The following TOM1 variants were observed in gnomAD, a reference collection of about 807,000 sequenced individuals.
The protein encoded by TOM1 is target of Myb protein 1.
TOM1 carries 38 observed loss-of-function variants against 61.3 expected under a neutral mutation model. That is an observed-to-expected ratio of 0.62 (90% CI 0.48 to 0.81). TOM1 has a LOEUF of 0.81. Among genes scored for constraint, TOM1 ranks in the 40% least tolerant of loss-of-function variants. The pLI is 0.00. For missense variants in TOM1, 591 were observed against 659.6 expected, an observed-to-expected ratio of 0.90 and a Z score of 1.14; for synonymous variants, 270 against 268.8, an observed-to-expected ratio of 1.00 and a Z score of -0.04.
chr22:35,334,820 A>G (rs181638000), intron 11 of TOM1, among the ~76,000 whole-genome samples: 3 of 151,142 alleles, frequency 2.0e-5, no homozygotes, highest in Non-Finnish European at 4.4e-5. Context: ...TCCAAAACAC[A>G]GTGTCTCCAC....
chr22:35,334,970 A>C (rs895588645), intron 11 of TOM1, among the ~76,000 whole-genome samples: 22 of 152,114 alleles, frequency 1.4e-4, no homozygotes, highest in Non-Finnish European at 1.9e-4. Flanking sequence ...AGAGAAGATT[A>C]AGCAGGTTCT....
chr22:35,309,365 C>T (rs1926618426), intron 1 of TOM1, among the ~76,000 whole-genome samples: 1 of 152,036 alleles, frequency 6.6e-6, no homozygotes, highest in Non-Finnish European at 1.5e-5. Context: ...TGAAAGAGGC[C>T]AGGCGCAGTG....
At chr22:35,345,330 C>T in intron 12 of TOM1, 1 of 249,296 alleles carries the variant, frequency 4.0e-6, no homozygotes, top group Non-Finnish European at 8.1e-6. Flanking sequence ...TGCCTGGGGT[C>T]TGACCCTGGG....
At chr22:35,309,262 C>T (rs1335275193) in intron 1 of TOM1, among the ~76,000 whole-genome samples, 1 of 152,120 alleles carries the variant, frequency 6.6e-6, no homozygotes, top group Non-Finnish European at 1.5e-5. Context: ...CCCAGGCTCA[C>T]ACAGCTGGTA....
intron 1 of TOM1, among the ~76,000 whole-genome samples, chr22:35,312,300 C>G (rs1926910001): frequency 1.3e-5 from 2 of 151,760 alleles, no homozygotes; most frequent in Admixed American, 6.6e-5. Context: ...CATTCCTCCT[C>G]TTCATCAGCA....
chr22:35,340,353 G>A (rs1929773982), intron 12 of TOM1, among the ~76,000 whole-genome samples: 1 of 152,188 alleles, frequency 6.6e-6, no homozygotes, highest in Non-Finnish European at 1.5e-5. Flanking sequence ...GCGCGGCTAG[G>A]AGCGCTGCAG....
Position 35,333,649 on chromosome 22 carries a change from G to A in TOM1, c.1027+152G>A, listed in dbSNP as rs1412576083. ...GTCCCAGGCTGAATCTTGCTGCAAG[G>A]TGGGGCACTCGGGGTCACTGCCCCT... On this transcript the variant is annotated intron_variant, in intron 10 of 14. Coordinates refer to ENST00000449058, the MANE Select transcript of TOM1 (RefSeq NM_005488.3). The A allele has an allele frequency of 3.6e-5, 26 of 714,996 alleles. 1 individual carries two copies. Among genetic ancestry groups the A allele is most frequent in the South Asian group, 2.1e-4 (12 of 56,202 alleles). 44.3% of individuals were successfully genotyped at this position (714,996 alleles called of 1,614,324 possible).
chr22:35,317,749 A>G lies in TOM1; in HGVS notation c.53-128A>G. Reference sequence around the variant, plus strand: ...TCACACAGGGCCAGGCCCTGTGCCCAGGAAGTGTCTGTCATCTTCCTCCTC... The same window carrying G: ...TCACACAGGGCCAGGCCCTGTGCCCGGGAAGTGTCTGTCATCTTCCTCCTC... On this transcript the variant is annotated intron_variant, in intron 1 of 14. Transcript: ENST00000449058. 5.7e-6 allele frequency: 4 copies of G among 702,420 alleles called. No homozygotes were observed. In the Admixed American group the frequency reaches 6.2e-5, roughly 11 times the overall value. 43.5% of individuals were successfully genotyped at this position (702,420 alleles called of 1,614,324 possible). A position where few individuals can be genotyped will look rare whatever the true frequency, so the allele number is the denominator to read the frequency against.
intron 1 of TOM1, among the ~76,000 whole-genome samples, chr22:35,304,611 T>G (rs993902743): frequency 2.0e-5 from 3 of 152,160 alleles, no homozygotes; most frequent in Admixed American, 1.3e-4. Flanking sequence ...CCCAAGTAGC[T>G]GGGACTACAG....
intron 1 of TOM1, among the ~76,000 whole-genome samples, chr22:35,315,624 C>T (rs1328486567): frequency 1.3e-5 from 2 of 152,200 alleles, no homozygotes; most frequent in Non-Finnish European, 1.5e-5. Context: ...GTAAAGCAAC[C>T]GCCCTCTGCC....
At chr22:35,319,192 C>T (rs1927561582) in intron 2 of TOM1, among the ~76,000 whole-genome samples, 1 of 152,162 alleles carries the variant, frequency 6.6e-6, no homozygotes, top group Non-Finnish European at 1.5e-5. Context: ...GCTTCATGGA[C>T]GTCGCAGCTG....
chr22:35,305,383 C>T (rs1418554731), intron 1 of TOM1, among the ~76,000 whole-genome samples: 1 of 152,194 alleles, frequency 6.6e-6, no homozygotes. Context: ...GATGGCGGGC[C>T]AGGCACGGTG....
chr22:35,319,259 G>A (rs1296346263), intron 2 of TOM1, among the ~76,000 whole-genome samples: 1 of 152,180 alleles, frequency 6.6e-6, no homozygotes, highest in African/African-American at 2.4e-5. Context: ...ATAAACATGG[G>A]AGGAACAGGC....
chr22:35,303,149 C>T (rs894368408), intron 1 of TOM1, among the ~76,000 whole-genome samples: 28 of 150,264 alleles, frequency 1.9e-4, no homozygotes, highest in African/African-American at 6.3e-4. Context: ...CACACACACA[C>T]CCCTTTGTGC....
In TOM1 at chr22:35,347,243, C is replaced by A; in HGVS notation, c.*34C>A. 6.4e-7 allele frequency: 1 copy of A among 1,562,050 alleles called. No individual in the cohort carries two copies. The highest frequency in any genetic ancestry group is 1.2e-5 in the South Asian group (1 of 85,052). On this transcript the variant is annotated 3_prime_UTR_variant, in exon 15 of 15. Transcript: ENST00000449058. ...TCTGGCACCCTGCAGCCCAGGTCCC[C>A]ACTGCTCTCACACCCTTAGGCTGGG...
intron 13 of TOM1, among the ~76,000 whole-genome samples, chr22:35,346,567 C>A (rs768792079): frequency 1.3e-5 from 2 of 152,204 alleles, no homozygotes; most frequent in Non-Finnish European, 2.9e-5. Flanking sequence ...TGTGACCCTC[C>A]AAGGAAAGGA....
chr22:35,301,048 CAAAAAAA>C (rs139553640), intron 1 of TOM1, among the ~76,000 whole-genome samples: 15 of 111,196 alleles, frequency 1.3e-4, no homozygotes, highest in African/African-American at 2.5e-4. Context: ...CCCGTCTCTA[CAAAAAAA>C]AAAAAAAAAA....
intron 3 of TOM1, 159 bp from the exon 4 acceptor site, chr22:35,322,869 A>C: frequency 1.1e-6 from 1 of 871,012 alleles, no homozygotes; most frequent in Non-Finnish European, 1.7e-6. Context: ...CAGTCCTGGC[A>C]TTGTCCCAGT....
intron 2 of TOM1, among the ~76,000 whole-genome samples, chr22:35,319,015 G>A (rs931270493): frequency 2.1e-4 from 32 of 152,366 alleles, no homozygotes; most frequent in African/African-American, 7.7e-4. Context: ...GCCCAGTCAG[G>A]AGAGGGCAGT....
Sources: allele counts gnomAD v4.1 joint callset (sites outside exome capture counted in the v4.1 genomes callset), GRCh38; gene constraint gnomAD v4.1.1; transcripts MANE v1.5; gene names NCBI Gene and HGNC (gene_info 2026-07-23, HGNC 2026-07-21).